MAGI2: variants seen among roughly 807,000 people sequenced by gnomAD.
MAGI2 encodes membrane associated guanylate kinase, WW and PDZ domain containing 2.
A neutral mutation model predicts 133.3 loss-of-function variants in MAGI2; 35 were observed. The observed-to-expected ratio is 0.26, with a 90% CI of 0.20 to 0.35. MAGI2 has a LOEUF of 0.35. MAGI2 is among the 10% of genes least tolerant of loss of function. MAGI2 has a pLI of 1.00. For missense variants in MAGI2, 1,636 were observed against 1,863.4 expected, an observed-to-expected ratio of 0.88 and a Z score of 2.25; for synonymous variants, 729 against 710.6, an observed-to-expected ratio of 1.03 and a Z score of -0.41.
intron 9 of MAGI2, among the ~76,000 whole-genome samples, chr7:78,321,872 C>T (rs1439432702): frequency 1.3e-5 from 2 of 152,140 alleles, no homozygotes; most frequent in African/African-American, 4.8e-5. Context: ...ATCTATCTAT[C>T]TGACAAAGGG....
At chr7:78,224,084 A>C (rs760458070) in intron 10 of MAGI2, among the ~76,000 whole-genome samples, 6 of 152,152 alleles carry the variant, frequency 3.9e-5, no homozygotes, top group Non-Finnish European at 7.4e-5. Flanking sequence ...CTCATTCTCA[A>C]TTCTACAGAG....
At chr7:78,800,844 G>T (rs1032548300) in intron 2 of MAGI2, among the ~76,000 whole-genome samples, 5 of 152,038 alleles carry the variant, frequency 3.3e-5, no homozygotes, top group Admixed American at 2.0e-4. Flanking sequence ...GCTTGAATGG[G>T]GTTTCAGGTT....
intron 6 of MAGI2, among the ~76,000 whole-genome samples, chr7:78,461,806 G>A (rs1057053693): frequency 6.6e-6 from 1 of 151,172 alleles, no homozygotes; most frequent in Non-Finnish European, 1.5e-5. Flanking sequence ...AGCTACTCAG[G>A]AGGCTGAGGC....
chr7:78,566,533 T>TAAAAA (rs67057557), intron 3 of MAGI2, among the ~76,000 whole-genome samples: 3 of 137,156 alleles, frequency 2.2e-5, no homozygotes, highest in Non-Finnish European at 4.7e-5. Flanking sequence ...AGACACAGTT[T>TAAAAA]AAAAAAAAAA....
intron 2 of MAGI2, among the ~76,000 whole-genome samples, chr7:78,989,980 C>G (rs1385845763): frequency 6.6e-6 from 1 of 152,022 alleles, no homozygotes; most frequent in Non-Finnish European, 1.5e-5. Flanking sequence ...CAGAAGGTAG[C>G]TTCTAGCTTA....
chr7:79,283,943 C>T (rs1835826369), intron 1 of MAGI2, among the ~76,000 whole-genome samples: 1 of 151,990 alleles, frequency 6.6e-6, no homozygotes, highest in African/African-American at 2.4e-5. Context: ...ATATTAGATA[C>T]ACAAATACTT....
chr7:78,736,506 A>G (rs955687692), intron 2 of MAGI2, among the ~76,000 whole-genome samples: 1 of 152,198 alleles, frequency 6.6e-6, no homozygotes, highest in Non-Finnish European at 1.5e-5. Context: ...TGAGGCAACA[A>G]TCTTAAAGAG....
At chr7:79,445,704 T>G (rs150993341) in intron 1 of MAGI2, among the ~76,000 whole-genome samples, 1,575 of 152,278 alleles carry the variant, frequency 0.01, 32 homozygotes, top group African/African-American at 0.036. Flanking sequence ...AGGAACACTT[T>G]TACACTGTTG....
At chr7:78,210,298 T>C (rs928820861) in intron 10 of MAGI2, among the ~76,000 whole-genome samples, 2 of 152,024 alleles carry the variant, frequency 1.3e-5, no homozygotes, top group African/African-American at 4.8e-5. Context: ...GTAATGGTAG[T>C]GAAGGGTGAG....
Position 79,406,255 on chromosome 7 carries a change from CA to C in MAGI2, c.301+46764del, listed in dbSNP as rs1405702538. On this transcript the variant is annotated intron_variant, in intron 1 of 21. Transcript: ENST00000354212. Reference sequence around the variant, plus strand: ...CATGTTAGAGTACAAGAGGATATTGCAGCCAAGATAATAAGAGACCTGGAAA... The same window carrying C: ...CATGTTAGAGTACAAGAGGATATTGCGCCAAGATAATAAGAGACCTGGAAA... Among the ~76,000 whole-genome samples the C allele has an allele frequency of 3.3e-5, 5 of 152,074 alleles. No homozygotes were observed. In the East Asian group the frequency reaches 9.7e-4, roughly 29 times the overall value.
chr7:79,272,690 T>C (rs974868856), intron 1 of MAGI2, among the ~76,000 whole-genome samples: 1 of 138,646 alleles, frequency 7.2e-6, no homozygotes, highest in Non-Finnish European at 1.5e-5. Context: ...TTTATGGTTA[T>C]GAATATTTTT....
At chr7:78,685,566 T>C (rs1224807673) in intron 2 of MAGI2, among the ~76,000 whole-genome samples, 4 of 133,486 alleles carry the variant, frequency 3.0e-5, no homozygotes, top group Admixed American at 7.5e-5. Context: ...TCATTTCCAG[T>C]TTTTTTGCTT....
chr7:78,354,239 T>C (rs1791832232), intron 7 of MAGI2, among the ~76,000 whole-genome samples: 1 of 152,244 alleles, frequency 6.6e-6, no homozygotes, highest in Non-Finnish European at 1.5e-5. Context: ...TGTAACATAC[T>C]CTATGTTGAA....
At chr7:78,038,522 C>T (rs1213329645) in intron 21 of MAGI2, among the ~76,000 whole-genome samples, 13 of 152,164 alleles carry the variant, frequency 8.5e-5, no homozygotes, top group African/African-American at 2.2e-4. Flanking sequence ...TATATCCTTG[C>T]CACTCAAAGT....
Position 78,399,945 on chromosome 7 carries a change from A to T in MAGI2, c.1046-30732T>A, listed in dbSNP as rs976119734. The stretch of plus-strand genomic sequence containing the variant: ...TCAAGGTAAAACACAGCAAAAAAAA[A>T]TAACAAAACAATTCAAAACAAAACC... On this transcript the variant is annotated intron_variant, in intron 6 of 21. Transcript: ENST00000354212. 4.6e-5 allele frequency among the ~76,000 whole-genome samples: 7 copies of T among 152,084 alleles called. 1 individual carries two copies. In the South Asian group the frequency reaches 6.2e-4, roughly 14 times the overall value.
chr7:78,546,599 A>C (rs1449326877), intron 3 of MAGI2, among the ~76,000 whole-genome samples: 3 of 152,116 alleles, frequency 2.0e-5, no homozygotes, highest in Non-Finnish European at 4.4e-5. Flanking sequence ...TATATTGCCA[A>C]CAGCTGTGTC....
intron 9 of MAGI2, among the ~76,000 whole-genome samples, chr7:78,264,859 G>A (rs1177077392): frequency 3.3e-5 from 5 of 152,172 alleles, no homozygotes; most frequent in African/African-American, 1.2e-4. Flanking sequence ...GGAAATTTCA[G>A]TGGTGCAGTT....
intron 1 of MAGI2, among the ~76,000 whole-genome samples, chr7:79,443,259 T>C (rs2129199205): frequency 7.0e-6 from 1 of 142,270 alleles, no homozygotes; most frequent in African/African-American, 2.6e-5. Flanking sequence ...ACCTTAGTGT[T>C]TGAAGTGTGT....
chr7:78,780,225 G>A lies in MAGI2; in HGVS notation c.419-152986C>T, dbSNP rs141694150. ...TTTGTAGAGTAAATATGCCCATTAC[G>A]GCAAATTTCAAGCTATCAAGTTAAA... On this transcript the variant is annotated intron_variant, in intron 2 of 21. Transcript: ENST00000354212. Among the ~76,000 whole-genome samples, 683 of 152,188 alleles carry A rather than the reference G, an allele frequency of 4.5e-3. 4 individuals are homozygous for A. Among genetic ancestry groups the A allele is most frequent in the Middle Eastern group, 0.014 (4 of 294 alleles).
Sources: gnomAD v4.1 joint callset for allele counts (sites outside exome capture counted in the v4.1 genomes callset) on GRCh38, gnomAD v4.1.1 for gene constraint, MANE v1.5 for transcripts, NCBI Gene and HGNC (gene_info 2026-07-23, HGNC 2026-07-21) for gene names.